Variants in PELI2 observed in about 807,000 individuals in gnomAD.
PELI2 encodes the protein pellino E3 ubiquitin protein ligase family member 2.
Under a neutral mutation model 42.3 loss-of-function variants are expected in PELI2, and 23 were observed. The observed-to-expected ratio is 0.54, with a 90% CI of 0.39 to 0.77. The LOEUF is 0.77. PELI2 is among the 30% of genes least tolerant of loss of function. The pLI, the probability that PELI2 is intolerant of heterozygous loss-of-function variation, is 0.00. For synonymous variants in PELI2, 245 were observed against 212.2 expected (o/e 1.15, Z -1.34); for missense variants, 463 against 553.2 (o/e 0.84, Z 1.64).
At chr14:56,277,812 C>G (rs899229917) in intron 2 of PELI2, among the ~76,000 whole-genome samples, 4 of 152,150 alleles carry the variant, frequency 2.6e-5, no homozygotes, top group Non-Finnish European at 5.9e-5. Context: ...TTAAGGTAAG[C>G]TGTTTTAAGC....
intron 2 of PELI2, among the ~76,000 whole-genome samples, chr14:56,194,336 G>A (rs1012048570): frequency 6.6e-6 from 1 of 152,090 alleles, no homozygotes; most frequent in Non-Finnish European, 1.5e-5. Context: ...CTTTGGCTGT[G>A]GTCTCTTCAC....
Position 56,273,668 on chromosome 14 carries a change from G to A in PELI2, c.208-6008G>A, listed in dbSNP as rs1010036229. On this transcript the variant is annotated intron_variant, in intron 2 of 5. Transcript: ENST00000267460. This position sits in a 1 kb window ranked among gnomAD's most constrained non-coding sequence, Gnocchi z 4.3. Reference sequence around the variant, plus strand: ...TTGGATTAATTATGAAGGTAATAATGCTAACTGTATGTGAACAACAGTGGC... The same window carrying A: ...TTGGATTAATTATGAAGGTAATAATACTAACTGTATGTGAACAACAGTGGC... Among the ~76,000 whole-genome samples the A allele has an allele frequency of 6.6e-6, 1 of 152,194 alleles. No individual in the cohort carries two copies. The highest frequency in any genetic ancestry group is 1.5e-5 in the Non-Finnish European group (1 of 68,036).
intron 1 of PELI2, among the ~76,000 whole-genome samples, chr14:56,175,496 T>C (rs1885340008): frequency 6.6e-6 from 1 of 152,258 alleles, no homozygotes; most frequent in African/African-American, 2.4e-5. Context: ...CTTGGCATTA[T>C]GAATATTGAA....
chr14:56,179,561 A>G (rs1221246796), intron 2 of PELI2, among the ~76,000 whole-genome samples: 1 of 152,244 alleles, frequency 6.6e-6, no homozygotes, highest in Non-Finnish European at 1.5e-5. Flanking sequence ...AAAGATTAAT[A>G]TTTAGTAGAT....
At chr14:56,213,076 C>G (rs1886766596) in intron 2 of PELI2, among the ~76,000 whole-genome samples, 1 of 152,198 alleles carries the variant, frequency 6.6e-6, no homozygotes, top group Non-Finnish European at 1.5e-5. Context: ...CTTCAGTCTT[C>G]TTATGGACTC....
At chr14:56,193,094 G>C (rs1348366952) in intron 2 of PELI2, among the ~76,000 whole-genome samples, 1 of 152,206 alleles carries the variant, frequency 6.6e-6, no homozygotes, top group African/African-American at 2.4e-5. Context: ...ATCAGGCTTT[G>C]TGGAAATAGA....
intron 2 of PELI2, among the ~76,000 whole-genome samples, chr14:56,279,353 A>C: frequency 6.6e-6 from 1 of 152,190 alleles, no homozygotes; most frequent in East Asian, 1.9e-4. Flanking sequence ...TAAAAATTCT[A>C]TTTCTGAGTT....
chr14:56,133,151 T>C (rs1276854461), intron 1 of PELI2, among the ~76,000 whole-genome samples: 1 of 152,222 alleles, frequency 6.6e-6, no homozygotes, highest in Non-Finnish European at 1.5e-5. Flanking sequence ...CATATTTTCA[T>C]ACACCTCATT....
Position 56,288,326 on chromosome 14 carries a change from CA to C in PELI2, c.310-110del. On this transcript the variant is annotated intron_variant, in intron 3 of 5. Coordinates refer to ENST00000267460, the MANE Select transcript of PELI2 (RefSeq NM_021255.3). The surrounding 1 kb of genome is among the most constrained non-coding windows in gnomAD (Gnocchi z 4.6). ...AAATCTTGCATTAAATTCTAACCCT[CA>C]GAACAAGGATAGTGAATGTTAAAGG... The C allele has an allele frequency of 1.3e-6, 1 of 775,270 alleles. No individual in the cohort carries two copies. Among genetic ancestry groups the C allele is most frequent in the Non-Finnish European group, 2.1e-6 (1 of 465,938 alleles). The allele number at this position is 775,270 out of a possible 1,614,324, so 48.0% of individuals were successfully genotyped here. A position where few individuals can be genotyped will look rare whatever the true frequency, so the allele number is the denominator to read the frequency against.
intron 2 of PELI2, among the ~76,000 whole-genome samples, chr14:56,243,007 T>TA (rs1888029700): frequency 6.6e-6 from 1 of 152,228 alleles, no homozygotes; most frequent in Admixed American, 6.5e-5. Context: ...TGAAGCTGAA[T>TA]AAATGTATTT....
At chr14:56,278,576 A>G (rs1889373025) in intron 2 of PELI2, among the ~76,000 whole-genome samples, 4 of 152,214 alleles carry the variant, frequency 2.6e-5, no homozygotes, top group Admixed American at 2.6e-4. Flanking sequence ...ACATCAGCTC[A>G]ATCATGAAAT....
chr14:56,175,286 G>A (rs530651844), intron 1 of PELI2, among the ~76,000 whole-genome samples: 8 of 152,314 alleles, frequency 5.3e-5, no homozygotes, highest in African/African-American at 1.7e-4. Flanking sequence ...ATGAGCCAAC[G>A]TGCCTGGCCA....
intron 2 of PELI2, among the ~76,000 whole-genome samples, chr14:56,257,219 G>A (rs534017592): frequency 1.3e-5 from 2 of 152,228 alleles, no homozygotes; most frequent in South Asian, 4.1e-4. Flanking sequence ...AATGTTCTAG[G>A]TATTGGAGAT....
chr14:56,181,138 C>T (rs956162223), intron 2 of PELI2, among the ~76,000 whole-genome samples: 4 of 152,056 alleles, frequency 2.6e-5, no homozygotes, highest in African/African-American at 9.7e-5. Flanking sequence ...GAATTATCTC[C>T]AGTTCATTCT....
chr14:56,235,954 C>G (rs1050035070), intron 2 of PELI2, among the ~76,000 whole-genome samples: 1 of 152,130 alleles, frequency 6.6e-6, no homozygotes, highest in Non-Finnish European at 1.5e-5. Flanking sequence ...TACAAGGTAT[C>G]AAACTCATAA....
intron 2 of PELI2, among the ~76,000 whole-genome samples, chr14:56,234,265 G>C (rs996245737): frequency 8.5e-5 from 13 of 152,172 alleles, no homozygotes; most frequent in African/African-American, 3.1e-4. Context: ...ATACCCAAAG[G>C]AGTATGAATC....
At chr14:56,199,633 A>AAG (rs1886260556) in intron 2 of PELI2, among the ~76,000 whole-genome samples, 1 of 152,198 alleles carries the variant, frequency 6.6e-6, no homozygotes, top group East Asian at 1.9e-4. Flanking sequence ...CCCCCTGATA[A>AAG]TTCAGTTTAA....
intron 1 of PELI2, among the ~76,000 whole-genome samples, chr14:56,166,539 T>C (rs1884970618): frequency 6.6e-6 from 1 of 152,226 alleles, no homozygotes; most frequent in Non-Finnish European, 1.5e-5. Flanking sequence ...ATTTAGCATT[T>C]CTTGTAGGAG....
intron 1 of PELI2, among the ~76,000 whole-genome samples, chr14:56,157,574 A>G (rs1206039404): frequency 6.6e-6 from 1 of 152,242 alleles, no homozygotes; most frequent in Non-Finnish European, 1.5e-5. Context: ...AACAAAGCCA[A>G]AATGATTTGT....
Sources: gnomAD v4.1 joint callset for allele counts (sites outside exome capture counted in the v4.1 genomes callset) on GRCh38, gnomAD v4.1.1 for gene constraint, Gnocchi (gnomAD v3.1) non-coding constraint, MANE v1.5 for transcripts, NCBI Gene and HGNC (gene_info 2026-07-23, HGNC 2026-07-21) for gene names.